PDE12: variants seen among roughly 807,000 people sequenced by gnomAD.
PDE12 encodes 2',5'-phosphodiesterase 12.
PDE12 carries 26 observed loss-of-function variants against 45.4 expected under a neutral mutation model. The ratio of observed to expected loss-of-function variants is 0.57; its 90% confidence interval spans 0.42 to 0.79. The LOEUF is 0.79. Among genes scored for constraint, PDE12 ranks in the 30% least tolerant of loss-of-function variants. PDE12 has a pLI of 0.00. For synonymous variants in PDE12, 283 were observed against 323.9 expected (o/e 0.87, Z 1.36); for missense variants, 668 against 790.0 (o/e 0.85, Z 1.85).
chr3:57,614,809 A>G, the PDE12 span, among the ~76,000 whole-genome samples: 25 of 151,520 alleles, frequency 1.6e-4, no homozygotes, highest in African/African-American at 5.8e-4. Context: ...CCTGACCAAG[A>G]TGATGAAAAC....
At chr3:57,568,558 AAT>A (rs1488963069), downstream of PDE12, among the ~76,000 whole-genome samples, 6 of 151,954 alleles carry the variant, frequency 3.9e-5, no homozygotes, top group Non-Finnish European at 1.5e-5. Flanking sequence ...ATGAGACACC[AAT>A]ACTCTCCACA....
At chr3:57,621,309 C>G in the PDE12 span, among the ~76,000 whole-genome samples, 1 of 152,226 alleles carries the variant, frequency 6.6e-6, no homozygotes, top group African/African-American at 2.4e-5. Flanking sequence ...TAAATCCATA[C>G]TTCACATACA....
the PDE12 span, among the ~76,000 whole-genome samples, chr3:57,635,833 A>AT: frequency 7.2e-5 from 11 of 152,084 alleles, no homozygotes; most frequent in East Asian, 1.9e-3. Flanking sequence ...CTTATACATG[A>AT]TTTTTTTTCC....
the PDE12 span, chr3:57,633,115 G>T: frequency 1.5e-6 from 1 of 650,774 alleles, no homozygotes; most frequent in Non-Finnish European, 2.6e-6. Flanking sequence ...AGATAATCCA[G>T]GTCTCTTGCA....
chr3:57,557,742 A>C (rs1449607990), intron 1 of PDE12, 55 bp downstream of exon 1: 2 of 1,502,244 alleles, frequency 1.3e-6, no homozygotes, highest in Admixed American at 3.7e-5. Context: ...GGGGCCAGGA[A>C]GGCGAGGAAT....
the PDE12 span, among the ~76,000 whole-genome samples, chr3:57,585,594 A>G: frequency 1.3e-5 from 2 of 152,024 alleles, no homozygotes; most frequent in Non-Finnish European, 2.9e-5. Context: ...GTGCACATGT[A>G]CCCTAGAACT....
At chr3:57,613,227 T>C in the PDE12 span, among the ~76,000 whole-genome samples, 2 of 149,634 alleles carry the variant, frequency 1.3e-5, no homozygotes, top group African/African-American at 4.9e-5. Context: ...GCAATTTGCC[T>C]GCCTCGGCCT....
Position 57,556,513 on chromosome 3 carries a change from C to T in PDE12, c.134C>T (p.Ser45Leu). 1 of 1,613,486 alleles carries T rather than the reference C, an allele frequency of 6.2e-7. No individual in the cohort carries two copies. Among genetic ancestry groups the T allele is most frequent in the South Asian group, 1.1e-5 (1 of 91,086 alleles). ...MERAVVRCVP[S>L]EPKLSLSFAL... ...CGCGCTGTAGTGCGCTGCGTACCTT[C>T]GGAACCCAAGCTGAGCCTGTCATTC... The change falls in exon 1 of 3, where the codon TCG (serine) becomes TTG (leucine). Residue 45 changes from serine to leucine, a missense_variant. Ser to Leu is a moderately radical substitution (Grantham distance 145). This residue lies in a region of PDE12 where 580 missense variants were observed against 662.9 expected (regional missense o/e 0.87). Transcript: ENST00000311180. The surrounding 1 kb of genome is among the most constrained non-coding windows in gnomAD (Gnocchi z 5.0).
At chr3:57,570,093 AG>A (rs1315478540), downstream of PDE12, among the ~76,000 whole-genome samples, 1 of 152,140 alleles carries the variant, frequency 6.6e-6, no homozygotes, top group African/African-American at 2.4e-5. Flanking sequence ...CTTCTTTGGA[AG>A]GAAGAAAGGA....
rs751486127 is a variant in PDE12 at position 57,556,307 on chromosome 3, G to T, written c.-73G>T. ...TGAATGAGTCAAAGCCGGCGGCCTC[G>T]GCTCCTCAGCTCCACCTGACAGTAG... On this transcript the variant is annotated 5_prime_UTR_variant, in exon 1 of 3. Coordinates refer to ENST00000311180, the MANE Select transcript of PDE12 (RefSeq NM_177966.7). The surrounding 1 kb of genome is among the most constrained non-coding windows in gnomAD (Gnocchi z 5.0). The T allele has an allele frequency of 4.9e-6, 7 of 1,436,958 alleles. No individual in the cohort carries two copies. Among genetic ancestry groups the T allele is most frequent in the Non-Finnish European group, 6.4e-6 (7 of 1,086,936 alleles). The allele number at this position is 1,436,958 out of a possible 1,614,324, so 89.0% of individuals were successfully genotyped here.
chr3:57,576,339 G>A, the PDE12 span, among the ~76,000 whole-genome samples: 1 of 152,214 alleles, frequency 6.6e-6, no homozygotes, highest in Admixed American at 6.5e-5. Context: ...ACGAGAGGAA[G>A]GAAATGGGAA....
downstream of PDE12, among the ~76,000 whole-genome samples, chr3:57,569,830 A>T (rs1433147885): frequency 8.3e-5 from 1 of 11,994 alleles, no homozygotes; most frequent in Non-Finnish European, 2.0e-4. Flanking sequence ...AAACCATCTC[A>T]AAAAAAAAAA....
In PDE12 at chr3:57,559,629, G is replaced by A; in HGVS notation, c.1455G>A (p.Leu485=). The change falls in exon 3 of 3, where the codon CTG becomes CTA. Residue 485 remains leucine, a synonymous_variant. Transcript: ENST00000311180. The part of the protein sequence containing the change: ...LAHIRHVSCD[L]YPGIPVIFCG... The stretch of plus-strand genomic sequence containing the variant: ...ACATAAGACATGTTTCATGTGATCT[G>A]TATCCTGGCATACCAGTTATATTTT... 6.2e-7 allele frequency: 1 copy of A among 1,614,072 alleles called. No individual in the cohort carries two copies. Among genetic ancestry groups the A allele is most frequent in the East Asian group, 2.2e-5 (1 of 44,874 alleles).
chr3:57,583,037 C>A, the PDE12 span, among the ~76,000 whole-genome samples: 1 of 152,104 alleles, frequency 6.6e-6, no homozygotes, highest in East Asian at 1.9e-4. Context: ...GACAAGGATG[C>A]CACTAAACAA....
the PDE12 span, among the ~76,000 whole-genome samples, chr3:57,576,330 C>G: frequency 6.6e-6 from 1 of 151,718 alleles, no homozygotes; most frequent in Non-Finnish European, 1.5e-5. Context: ...GTGTGGTGTA[C>G]GAGAGGAAGG....
the PDE12 span, among the ~76,000 whole-genome samples, chr3:57,575,192 C>A: frequency 6.6e-6 from 1 of 151,896 alleles, no homozygotes; most frequent in African/African-American, 2.4e-5. Context: ...CATTACTGGA[C>A]CCTTAATAAG....
chr3:57,596,917 C>T, the PDE12 span: 2 of 712,432 alleles, frequency 2.8e-6, no homozygotes, highest in Middle Eastern at 3.0e-4. Flanking sequence ...GCTCACCCTC[C>T]GCTCCATTGT....
chr3:57,565,362 A>C lies in PDE12; in HGVS notation c.*5358A>C, dbSNP rs1375767742. 6.6e-6 allele frequency: 1 copy of C among 152,188 alleles called. No homozygotes were observed. Among genetic ancestry groups the C allele is most frequent in the Non-Finnish European group, 1.5e-5 (1 of 68,022 alleles). The allele number at this position is 152,188 out of a possible 1,614,324, so 9.4% of individuals were successfully genotyped here. ...ATTTATCAACTTTTAAAAACATTTT[A>C]TGGGTACATAGTAGGTGTATATATT... On this transcript the variant is annotated 3_prime_UTR_variant, in exon 3 of 3. Coordinates refer to ENST00000311180, the MANE Select transcript of PDE12 (RefSeq NM_177966.7).
the PDE12 span, among the ~76,000 whole-genome samples, chr3:57,633,681 G>A: frequency 2.0e-5 from 3 of 152,082 alleles, no homozygotes; most frequent in East Asian, 5.8e-4. Context: ...CTGAGGTCAG[G>A]GGCTCAGGAC....
Sources: gnomAD v4.1 joint callset for allele counts (sites outside exome capture counted in the v4.1 genomes callset) on GRCh38, gnomAD v4.1.1 for gene constraint, gnomAD v4.1.1 regional missense constraint, Gnocchi (gnomAD v3.1) non-coding constraint, MANE v1.5 for transcripts, NCBI Gene and HGNC (gene_info 2026-07-23, HGNC 2026-07-21) for gene names.